The following IGSF5 variants were observed in gnomAD, a reference collection of about 807,000 sequenced individuals.
IGSF5 encodes the protein immunoglobulin superfamily member 5.
Under a neutral mutation model 39.4 loss-of-function variants are expected in IGSF5, and 41 were observed. That is an observed-to-expected ratio of 1.04 (90% confidence interval 0.81 to 1.35). The LOEUF is 1.35. Ranked by LOEUF, IGSF5 falls within the 40% of genes most tolerant of loss-of-function variation. The probability of loss-of-function intolerance (pLI) is 0.00; values close to 1 mark genes in which losing one functional copy is unlikely to be tolerated. For synonymous variants in IGSF5, 183 were observed against 175.3 expected, an observed-to-expected ratio of 1.04 and a Z score of -0.34; for missense variants, 487 against 494.6, an observed-to-expected ratio of 0.98 and a Z score of 0.15.
chr21:39,768,098 G>T (rs1314580012), intron 3 of IGSF5, among the ~76,000 whole-genome samples: 1 of 152,124 alleles, frequency 6.6e-6, no homozygotes, highest in Non-Finnish European at 1.5e-5. Flanking sequence ...GGTAGTTTTT[G>T]GTTTTAATAC....
At chr21:39,749,685 G>A (rs2079995237) in intron 2 of IGSF5, among the ~76,000 whole-genome samples, 1 of 152,226 alleles carries the variant, frequency 6.6e-6, no homozygotes, top group African/African-American at 2.4e-5. Flanking sequence ...CATTGGTTTG[G>A]TCTGGAAAGG....
chr21:39,736,654 C>T, the IGSF5 span, among the ~76,000 whole-genome samples: 67 of 152,372 alleles, frequency 4.4e-4, no homozygotes, highest in African/African-American at 1.5e-3. Context: ...GAAACAGTCC[C>T]GGCCCGGGGT....
chr21:39,748,301 C>CTTTTTTTTTTTTTTTTTTG (rs2079985829), intron 2 of IGSF5, among the ~76,000 whole-genome samples: 1 of 58,216 alleles, frequency 1.7e-5, no homozygotes. Flanking sequence ...AAAACAAGAT[C>CTTTTTTTTTTTTTTTTTTG]TTTTTTTTTT....
chr21:39,767,449 T>A (rs774981658), intron 3 of IGSF5, among the ~76,000 whole-genome samples: 3 of 152,178 alleles, frequency 2.0e-5, no homozygotes, highest in African/African-American at 4.8e-5. Context: ...TGTTACTGCT[T>A]TATGACAATG....
intron 2 of IGSF5, among the ~76,000 whole-genome samples, chr21:39,755,151 T>C (rs1401584978): frequency 6.6e-6 from 1 of 152,192 alleles, no homozygotes; most frequent in Non-Finnish European, 1.5e-5. Flanking sequence ...TCTGTAACAC[T>C]GGGTTCACAC....
At chr21:39,799,416 C>T (rs781757815) in intron 8 of IGSF5, among the ~76,000 whole-genome samples, 4 of 152,116 alleles carry the variant, frequency 2.6e-5, no homozygotes, top group Admixed American at 6.5e-5. Flanking sequence ...CTTGGGCCTC[C>T]GCCAGGCTTG....
the IGSF5 span, among the ~76,000 whole-genome samples, chr21:39,713,189 T>C: frequency 6.6e-6 from 1 of 152,154 alleles, no homozygotes; most frequent in Non-Finnish European, 1.5e-5. Flanking sequence ...GGGAAAGCAC[T>C]GGTTAGAAGT....
At chr21:39,717,744 C>T in the IGSF5 span, among the ~76,000 whole-genome samples, 1,872 of 152,232 alleles carry the variant, frequency 0.012, 43 homozygotes, top group African/African-American at 0.044. Context: ...GACACTGTAG[C>T]CTTGTAGTAT....
Position 39,770,836 on chromosome 21 carries a change from A to G in IGSF5, c.419-80A>G, listed in dbSNP as rs115269335. ...TGTAATTTGAAGCAAAACTTAAAAA[A>G]AAAAAGAAAAAAAAAAAGAAAACTT... On this transcript the variant is annotated intron_variant, in intron 3 of 8. Coordinates refer to ENST00000380588, the MANE Select transcript of IGSF5 (RefSeq NM_001080444.2). 7,151 of 1,118,342 alleles carry G rather than the reference A, an allele frequency of 6.4e-3. 358 individuals are homozygous for G. In the African/African-American group the frequency reaches 0.1, roughly 16 times the overall value. The allele number at this position is 1,118,342 out of a possible 1,614,324, so 69.3% of individuals were successfully genotyped here.
At chr21:39,776,228 A>G (rs909383513) in intron 4 of IGSF5, among the ~76,000 whole-genome samples, 3 of 151,644 alleles carry the variant, frequency 2.0e-5, no homozygotes, top group African/African-American at 7.3e-5. Context: ...TATATTATAT[A>G]TGATAAATTT....
chr21:39,767,495 T>A (rs533427747), intron 3 of IGSF5, among the ~76,000 whole-genome samples: 1 of 152,142 alleles, frequency 6.6e-6, no homozygotes, highest in Non-Finnish European at 1.5e-5. Flanking sequence ...TGACTTTGAG[T>A]CCTAGTGTCC....
At chr21:39,759,738 G>T (rs191214558) in intron 2 of IGSF5, among the ~76,000 whole-genome samples, 1 of 151,784 alleles carries the variant, frequency 6.6e-6, no homozygotes, top group African/African-American at 2.4e-5. Flanking sequence ...GTGGTGGCAC[G>T]CAACTGTAGT....
In IGSF5 at chr21:39,792,117, G is replaced by A. The variant is rs1003875837; in HGVS notation, c.1048+18G>A. The A allele has an allele frequency of 8.4e-6, 13 of 1,544,918 alleles. No homozygotes were observed. The highest frequency in any genetic ancestry group is 2.3e-5 in the East Asian group (1 of 44,288). ...GACCACAGGTGAGTAGACAAGAGGG[G>A]TGGTGAAAAGACCTGGGAAAGAGAG... On this transcript the variant is annotated intron_variant, in intron 7 of 8. Transcript: ENST00000380588.
At chr21:39,779,686 T>A (rs2080159900) in intron 5 of IGSF5, among the ~76,000 whole-genome samples, 1 of 152,194 alleles carries the variant, frequency 6.6e-6, no homozygotes, top group Non-Finnish European at 1.5e-5. Context: ...AAAGAAAATG[T>A]GGTATATAGA....
intron 8 of IGSF5, among the ~76,000 whole-genome samples, chr21:39,796,233 G>C (rs1280840762): frequency 6.6e-6 from 1 of 152,166 alleles, no homozygotes; most frequent in Non-Finnish European, 1.5e-5. Flanking sequence ...CTGGCCACTT[G>C]AGAGCTGCCA....
the IGSF5 span, chr21:39,729,321 T>C: frequency 1.3e-5 from 2 of 152,246 alleles, no homozygotes; most frequent in Non-Finnish European, 2.9e-5. Context: ...TACATCCCAC[T>C]GATCAGAATT....
chr21:39,791,858 C>T (rs188098694), intron 6 of IGSF5, 150 bp from the exon 7 acceptor site: 14 of 593,736 alleles, frequency 2.4e-5, no homozygotes, highest in African/African-American at 1.7e-4. Context: ...TGCAACGCAG[C>T]GGCAAAGCTA....
upstream of IGSF5, among the ~76,000 whole-genome samples, chr21:39,742,446 C>A (rs1436067240): frequency 1.3e-5 from 2 of 152,178 alleles, no homozygotes; most frequent in Admixed American, 1.3e-4. Flanking sequence ...AACCTCTTGG[C>A]TCTCAATGGT....
At chr21:39,773,448 CAA>C (rs1197257515) in intron 4 of IGSF5, among the ~76,000 whole-genome samples, 1 of 152,004 alleles carries the variant, frequency 6.6e-6, no homozygotes, top group East Asian at 1.9e-4. Context: ...TTTTGTTAAA[CAA>C]AAGACTTCCC....
Sources: gnomAD v4.1 joint callset for allele counts (sites outside exome capture counted in the v4.1 genomes callset) on GRCh38, gnomAD v4.1.1 for gene constraint, MANE v1.5 for transcripts, NCBI Gene and HGNC (gene_info 2026-07-23, HGNC 2026-07-21) for gene names.